The following NDST4 variants were observed in gnomAD, a reference collection of about 807,000 sequenced individuals.
NDST4 encodes N-deacetylase and N-sulfotransferase 4, also known as N-heparan sulfate sulfotransferase 4.
In NDST4, 63 loss-of-function variants were observed where a neutral mutation model predicts 100.8. That is an observed-to-expected ratio of 0.62 (90% CI 0.51 to 0.77). The LOEUF is 0.77. Among genes scored for constraint, NDST4 ranks in the 30% least tolerant of loss-of-function variants. The pLI is 0.00. For synonymous variants in NDST4, 377 were observed against 361.8 expected, an observed-to-expected ratio of 1.04 and a Z score of -0.48; for missense variants, 943 against 1,018.4, an observed-to-expected ratio of 0.93 and a Z score of 1.01.
chr4:114,965,934 CTTCA>C (rs761280131), intron 4 of NDST4, among the ~76,000 whole-genome samples: 9 of 151,722 alleles, frequency 5.9e-5, no homozygotes, highest in Admixed American at 2.0e-4. Flanking sequence ...TCTCTTTAGC[CTTCA>C]TTCATCTATT....
chr4:115,063,536 T>C (rs1728867776), intron 2 of NDST4, among the ~76,000 whole-genome samples: 1 of 151,980 alleles, frequency 6.6e-6, no homozygotes, highest in South Asian at 2.1e-4. Flanking sequence ...TATTTCTTTT[T>C]CTCTTTAGTC....
intron 6 of NDST4, among the ~76,000 whole-genome samples, chr4:114,875,699 A>G (rs73850715): frequency 0.041 from 6,287 of 152,250 alleles, 415 homozygotes; most frequent in African/African-American, 0.14. Context: ...TGTTTGACTT[A>G]TGAAGCTGCT....
chr4:114,971,354 T>C (rs570644750), intron 3 of NDST4, among the ~76,000 whole-genome samples: 1 of 151,342 alleles, frequency 6.6e-6, no homozygotes, highest in South Asian at 2.1e-4. Flanking sequence ...CAGCACCCAA[T>C]ACATAGGAAA....
At chr4:115,049,988 G>C (rs1216872633) in intron 2 of NDST4, among the ~76,000 whole-genome samples, 5 of 152,160 alleles carry the variant, frequency 3.3e-5, no homozygotes, top group African/African-American at 1.2e-4. Context: ...CCTAAATTCT[G>C]TCAGAGGAAG....
chr4:115,102,704 C>T (rs1193689868), intron 1 of NDST4, among the ~76,000 whole-genome samples: 9 of 90,564 alleles, frequency 9.9e-5, no homozygotes, highest in African/African-American at 1.4e-4. Flanking sequence ...TTCTGACTTC[C>T]TTTTTTTTTT....
chr4:115,002,362 AT>A (rs1451129937), intron 2 of NDST4, among the ~76,000 whole-genome samples: 2 of 152,058 alleles, frequency 1.3e-5, no homozygotes, highest in African/African-American at 4.8e-5. Flanking sequence ...TTTCTTATAA[AT>A]TTGTTTAAGT....
intron 2 of NDST4, among the ~76,000 whole-genome samples, chr4:115,072,721 G>A (rs1729102452): frequency 1.3e-5 from 2 of 151,974 alleles, no homozygotes; most frequent in South Asian, 2.1e-4. Flanking sequence ...TAGGATCTAA[G>A]CCCATAAAAT....
intron 6 of NDST4, among the ~76,000 whole-genome samples, chr4:114,925,561 A>T (rs979225784): frequency 6.6e-6 from 1 of 152,134 alleles, no homozygotes; most frequent in Non-Finnish European, 1.5e-5. Context: ...TAACCAGACT[A>T]GGTATATGAA....
intron 2 of NDST4, among the ~76,000 whole-genome samples, chr4:115,048,466 T>C (rs924599780): frequency 2.0e-5 from 3 of 152,196 alleles, no homozygotes; most frequent in African/African-American, 7.2e-5. Context: ...TGTTTACTAA[T>C]TCCTTTGGAA....
chr4:115,001,896 T>C (rs1727297632), intron 2 of NDST4, among the ~76,000 whole-genome samples: 1 of 152,168 alleles, frequency 6.6e-6, no homozygotes, highest in Non-Finnish European at 1.5e-5. Context: ...GCATGGTAAA[T>C]ATGTAAGAGC....
At chr4:114,926,864 C>A (rs550384996) in intron 6 of NDST4, among the ~76,000 whole-genome samples, 73 of 152,136 alleles carry the variant, frequency 4.8e-4, no homozygotes, top group Non-Finnish European at 7.8e-4. Flanking sequence ...GTTGTTGATT[C>A]TATTTTAAAG....
At chr4:114,956,262 G>A (rs1164156956) in intron 4 of NDST4, among the ~76,000 whole-genome samples, 3 of 152,132 alleles carry the variant, frequency 2.0e-5, no homozygotes, top group Non-Finnish European at 4.4e-5. Context: ...CTGAGCAGTG[G>A]CACAGAGGTT....
At position 114,879,467 on chromosome 4, in the gene NDST4, A is replaced by G. The variant is rs138892690; in HGVS notation, c.1537-8517T>C. Among the ~76,000 whole-genome samples the G allele has an allele frequency of 1.3e-3, 200 of 152,242 alleles. No individual in the cohort carries two copies. The Middle Eastern group carries it at 0.014, about 10-fold the overall frequency. The stretch of plus-strand genomic sequence containing the variant: ...TTCCCCTCCTCTACACACCTAAATC[A>G]AAGAGCACCCCCATCCCTCTTCCCC... On this transcript the variant is annotated intron_variant, in intron 6 of 13. Transcript: ENST00000264363.
intron 2 of NDST4, among the ~76,000 whole-genome samples, chr4:115,002,580 T>TCCTGAATCGTATTGC (rs1466067688): frequency 5.3e-5 from 8 of 152,218 alleles, no homozygotes; most frequent in African/African-American, 1.9e-4. Flanking sequence ...CACGCCTATG[T>TCCTGAATCGTATTGC]CCTGAATCGT....
intron 2 of NDST4, among the ~76,000 whole-genome samples, chr4:115,010,437 C>CA (rs1241339134): frequency 7.9e-6 from 1 of 125,928 alleles, no homozygotes; most frequent in Non-Finnish European, 1.7e-5. Context: ...ATCGCAAGAA[C>CA]AAAAAAACAA....
At chr4:114,937,876 C>CGTGT (rs145639918) in intron 4 of NDST4, among the ~76,000 whole-genome samples, 1 of 134,236 alleles carries the variant, frequency 7.4e-6, no homozygotes, top group Non-Finnish European at 1.6e-5. Flanking sequence ...TGCGTGTGTA[C>CGTGT]GTGTGTGTGT....
At chr4:115,048,519 G>A (rs1345336630) in intron 2 of NDST4, among the ~76,000 whole-genome samples, 1 of 152,084 alleles carries the variant, frequency 6.6e-6, no homozygotes, top group African/African-American at 2.4e-5. Flanking sequence ...CTTACTATTA[G>A]TAATGCCACC....
rs114464109 is a variant in NDST4, at chr4:114,852,864, T to C, written c.1720-43A>G. 20,013 of 1,352,280 alleles carry C rather than the reference T, an allele frequency of 0.015. 1,424 individuals are homozygous for C. In the South Asian group the frequency reaches 0.17, roughly 12 times the overall value. The allele number at this position is 1,352,280 out of a possible 1,614,324, so 83.8% of individuals were successfully genotyped here. A position where few individuals can be genotyped will look rare whatever the true frequency, so the allele number is the denominator to read the frequency against. Reference sequence around the variant, plus strand: ...AAGTAACCTCACAGTGTAATGACTGTCTGGCTCTGTTCTCTAAAAATTGTT... The same window carrying C: ...AAGTAACCTCACAGTGTAATGACTGCCTGGCTCTGTTCTCTAAAAATTGTT... On this transcript the variant is annotated intron_variant, in intron 7 of 13. Coordinates refer to ENST00000264363, the MANE Select transcript of NDST4 (RefSeq NM_022569.3).
At chr4:114,928,831 T>C (rs1016952575) in intron 6 of NDST4, among the ~76,000 whole-genome samples, 10 of 152,086 alleles carry the variant, frequency 6.6e-5, no homozygotes, top group African/African-American at 2.4e-4. Context: ...TTCTCTGCCT[T>C]TGAACTCTAA....
Sources: gnomAD v4.1 joint callset for allele counts (sites outside exome capture counted in the v4.1 genomes callset) on GRCh38, gnomAD v4.1.1 for gene constraint, MANE v1.5 for transcripts, NCBI Gene and HGNC (gene_info 2026-07-23, HGNC 2026-07-21) for gene names.